PARP14: variants seen among roughly 807,000 people sequenced by gnomAD.
PARP14 encodes protein mono-ADP-ribosyltransferase PARP14.
A neutral mutation model predicts 154.2 loss-of-function variants in PARP14; 59 were observed. The observed-to-expected ratio is 0.38, with a 90% CI of 0.31 to 0.48. The LOEUF (loss-of-function observed/expected upper bound fraction) is 0.48, where lower values mean the gene tolerates loss of function less well. Ranked by LOEUF, PARP14 falls within the 20% of genes least tolerant of loss-of-function variation. The pLI, the probability that PARP14 is intolerant of heterozygous loss-of-function variation, is 0.98. For synonymous variants in PARP14, 720 were observed against 780.5 expected (o/e 0.92, Z 1.29); for missense variants, 1,734 against 2,131.6 (o/e 0.81, Z 3.67).
In PARP14 at chr3:122,713,880, A is replaced by C. The variant is rs1932921933; in HGVS notation, c.3778A>C (p.Lys1260Gln). 8 of 1,610,446 alleles carry C rather than the reference A, an allele frequency of 5.0e-6. No individual in the cohort carries two copies. The highest frequency in any genetic ancestry group is 6.8e-6 in the Non-Finnish European group (8 of 1,176,680). Residue 1260 changes from lysine (K) to glutamine (Q), a missense_variant, in exon 11 of 17, where the codon AAA (lysine) becomes CAA (glutamine). Around this residue, in one of 2 missense-constraint regions of PARP14, gnomAD observed 1,646 missense variants for 1,976.0 expected, o/e 0.83. Coordinates refer to ENST00000474629, the MANE Select transcript of PARP14 (RefSeq NM_017554.3). ...NSFNLKAGVSKAILECAGQNV... is the reference protein window; with the variant it reads ...NSFNLKAGVSQAILECAGQNV... Reference sequence around the variant, plus strand: ...TTGATTTTCTCATGTAGGGGTCTCCAAAGCAATTTTAGAATGTGCTGGACA... The same window carrying C: ...TTGATTTTCTCATGTAGGGGTCTCCCAAGCAATTTTAGAATGTGCTGGACA...
At chr3:122,713,199 C>A (rs996173712) in intron 9 of PARP14, among the ~76,000 whole-genome samples, 1 of 152,144 alleles carries the variant, frequency 6.6e-6, no homozygotes, top group Non-Finnish European at 1.5e-5. Context: ...GCTAACTTCA[C>A]CTTGGTCAGC....
chr3:122,718,118 G>T lies in PARP14; in HGVS notation c.4048G>T (p.Ala1350Ser), dbSNP rs1409949087. 2 of 1,613,718 alleles carry T rather than the reference G, an allele frequency of 1.2e-6. No homozygotes were observed. The highest frequency in any genetic ancestry group is 3.3e-5 in the Admixed American group (2 of 59,986). ...TAAGGTTGCTGAAGCCATAATTGAT[G>T]CCATTGAAGACTTTGTCCAGAAAGG... ...PDKVAEAIIDAIEDFVQKGSA... is the reference protein window; with the variant it reads ...PDKVAEAIIDSIEDFVQKGSA... The change falls in exon 13 of 17, where the codon GCC (alanine) becomes TCC (serine). Residue 1350 changes from alanine to serine, a missense_variant. Around this residue, in one of 2 missense-constraint regions of PARP14, gnomAD observed 1,646 missense variants for 1,976.0 expected, o/e 0.83. Coordinates refer to ENST00000474629, the MANE Select transcript of PARP14 (RefSeq NM_017554.3).
chr3:122,708,823 C>T (rs78010867), intron 9 of PARP14, among the ~76,000 whole-genome samples: 4,928 of 151,980 alleles, frequency 0.032, 111 homozygotes, highest in Middle Eastern at 0.078. Context: ...CCATGCCTAC[C>T]CCCCTCAATC....
chr3:122,724,243 T>G (rs955347503), intron 15 of PARP14, among the ~76,000 whole-genome samples: 13 of 152,140 alleles, frequency 8.5e-5, no homozygotes, highest in South Asian at 4.1e-4. Context: ...GAGGTGTTGC[T>G]GTTTCCAGGG....
intron 12 of PARP14, among the ~76,000 whole-genome samples, chr3:122,715,287 G>A (rs1042525206): frequency 1.3e-5 from 2 of 151,984 alleles, no homozygotes; most frequent in Admixed American, 6.6e-5. Flanking sequence ...AGTCAGCATC[G>A]GATCTGTCAT....
chr3:122,707,527 C>T (rs1475656353), intron 8 of PARP14, among the ~76,000 whole-genome samples: 1 of 152,124 alleles, frequency 6.6e-6, no homozygotes, highest in Non-Finnish European at 1.5e-5. Flanking sequence ...AATCCCTGCA[C>T]TTTGGGAGGC....
In PARP14 at chr3:122,692,467, C is replaced by A. The variant is rs758162663; in HGVS notation, c.522C>A (p.Gly174=). The change falls in exon 4 of 17, where the codon GGC becomes GGA. Residue 174 remains glycine (G), a synonymous_variant. Transcript: ENST00000474629. The part of the protein sequence containing the change: ...MLILLVENIS[G]LSNDDFQVEI... ...TCTTGTTAGTGGAGAACATAAGTGG[C>A]CTGTCTAATGATGACTTTCAAGTGG... 8.7e-6 allele frequency: 14 copies of A among 1,613,226 alleles called. No individual in the cohort carries two copies. The highest frequency in any genetic ancestry group is 3.3e-4 in the Middle Eastern group (2 of 6,060).
In PARP14 at chr3:122,685,203, A is replaced by G. The variant is rs1224872880; in HGVS notation, c.206A>G (p.Glu69Gly). 6.2e-7 allele frequency: 1 copy of G among 1,613,904 alleles called. No individual in the cohort carries two copies. The highest frequency in any genetic ancestry group is 1.1e-5 in the South Asian group (1 of 91,082). ...ATTTCAGTTCGGCAGAAGGTTCTGG[A>G]GAGAAAAAATCATGAGTTGGTATGG... ...YPEDVRQKVL[E>G]RKNHELVWQG... The change falls in exon 2 of 17, where the codon GAG becomes GGG. Residue 69 changes from glutamate (E) to glycine (G), a missense_variant. Glu to Gly is a moderately conservative substitution (Grantham distance 98, BLOSUM62 -2). Coordinates refer to ENST00000474629, the MANE Select transcript of PARP14 (RefSeq NM_017554.3).
At chr3:122,725,265 C>G (rs1262817983) in intron 15 of PARP14, among the ~76,000 whole-genome samples, 1 of 151,348 alleles carries the variant, frequency 6.6e-6, no homozygotes, top group Non-Finnish European at 1.5e-5. Context: ...GACAGGGCGG[C>G]CGGGCAGAGG....
At chr3:122,708,297 G>A in intron 9 of PARP14, 29 bp downstream of exon 9, 1 of 1,222,630 alleles carries the variant, frequency 8.2e-7, no homozygotes, top group African/African-American at 1.5e-5. Context: ...ATTGAGAAGT[G>A]ATTTCTAGTT....
chr3:122,692,703 A>G (rs1312490896), intron 4 of PARP14, among the ~76,000 whole-genome samples, 160 bp downstream of exon 4: 2 of 152,246 alleles, frequency 1.3e-5, no homozygotes, highest in Non-Finnish European at 2.9e-5. Context: ...AAAGTGAAGC[A>G]TATTCATATT....
intron 1 of PARP14, 108 bp from the exon 2 acceptor site, chr3:122,685,077 C>A: frequency 8.1e-7 from 1 of 1,232,804 alleles, no homozygotes; most frequent in South Asian, 1.4e-5. Context: ...CTTGAGAAAC[C>A]GACCAAGCCA....
At chr3:122,697,518 C>A (rs1005070670) in intron 5 of PARP14, among the ~76,000 whole-genome samples, 2 of 152,114 alleles carry the variant, frequency 1.3e-5, no homozygotes, top group African/African-American at 2.4e-5. Context: ...TCACCTATAA[C>A]GTTAATTTTT....
In PARP14 at chr3:122,705,241, A is replaced by C. The variant is rs1249550645; in HGVS notation, c.3540+493A>C. ...CAATAATTCCTTTAACCAATTATCA[A>C]ATCAATTCTCAAATTTCTGACTATC... On this transcript the variant is annotated intron_variant, in intron 8 of 16. Transcript: ENST00000474629. Among the ~76,000 whole-genome samples the C allele has an allele frequency of 2.0e-5, 3 of 152,244 alleles. No individual in the cohort carries two copies. The East Asian group carries it at 5.8e-4, about 29-fold the overall frequency.
At chr3:122,712,892 A>G (rs1939368393) in intron 9 of PARP14, among the ~76,000 whole-genome samples, 1 of 152,194 alleles carries the variant, frequency 6.6e-6, no homozygotes, top group South Asian at 2.1e-4. Flanking sequence ...TTAAGGGTTG[A>G]TCAAATTTTC....
chr3:122,681,401 G>A lies in PARP14; in HGVS notation c.187+331G>A, dbSNP rs904261924. Among the ~76,000 whole-genome samples, 5 of 152,342 alleles carry A rather than the reference G, an allele frequency of 3.3e-5. No homozygotes were observed. The highest frequency in any genetic ancestry group is 1.9e-4 in the East Asian group (1 of 5,176). Reference sequence around the variant, plus strand: ...TGTTTGTTGTTGTTGTTGTGGAAGTGAGTCTATCCTCTTATCATCCTTTTC... The same window carrying A: ...TGTTTGTTGTTGTTGTTGTGGAAGTAAGTCTATCCTCTTATCATCCTTTTC... On this transcript the variant is annotated intron_variant, in intron 1 of 16. Coordinates refer to ENST00000474629, the MANE Select transcript of PARP14 (RefSeq NM_017554.3). This position sits in a 1 kb window ranked among gnomAD's most constrained non-coding sequence, Gnocchi z 5.5.
intron 3 of PARP14, among the ~76,000 whole-genome samples, chr3:122,690,583 C>T (rs954572901): frequency 1.2e-4 from 19 of 152,186 alleles, no homozygotes; most frequent in African/African-American, 4.3e-4. Flanking sequence ...ACAATCTCGG[C>T]TCACTGCAAC....
intron 3 of PARP14, among the ~76,000 whole-genome samples, chr3:122,690,995 G>A (rs916497902): frequency 6.6e-6 from 1 of 152,126 alleles, no homozygotes; most frequent in Non-Finnish European, 1.5e-5. Context: ...TTCATATTAA[G>A]GATATTTATA....
At chr3:122,683,228 G>T (rs146845608) in intron 1 of PARP14, 1 of 859,756 alleles carries the variant, frequency 1.2e-6, no homozygotes, top group Non-Finnish European at 1.4e-6. Flanking sequence ...AATGACCTAC[G>T]CTTGAAGTCC....
Sources: allele counts gnomAD v4.1 joint callset (sites outside exome capture counted in the v4.1 genomes callset), GRCh38; gene constraint gnomAD v4.1.1; regional missense constraint gnomAD v4.1.1; non-coding constraint Gnocchi (gnomAD v3.1); transcripts MANE v1.5; gene names NCBI Gene and HGNC (gene_info 2026-07-23, HGNC 2026-07-21).